The following TCF7L1 variants were observed in gnomAD, a reference collection of about 807,000 sequenced individuals.
TCF7L1 encodes the protein transcription factor 7-like 1.
In TCF7L1, 18 loss-of-function variants were observed where a neutral mutation model predicts 63.7. The observed-to-expected ratio is 0.28, with a 90% CI of 0.20 to 0.42. The LOEUF (loss-of-function observed/expected upper bound fraction) is 0.42, where lower values mean the gene tolerates loss of function less well. TCF7L1 is among the 10% of genes least tolerant of loss of function. The probability of loss-of-function intolerance (pLI) is 1.00; values close to 1 mark genes in which losing one functional copy is unlikely to be tolerated. For missense variants in TCF7L1, 654 were observed against 779.3 expected (o/e 0.84, Z 1.91); for synonymous variants, 355 against 340.9 (o/e 1.04, Z -0.46).
Position 85,309,372 on chromosome 2 carries a change from C to T in TCF7L1, c.1677C>T (p.Pro559=). Residue 559 remains proline (P), a synonymous_variant, in exon 12 of 12, where the codon CCC becomes CCT. Transcript: ENST00000282111. Reference sequence around the variant, plus strand: ...TGCCCACAGCTCTGCTGGCCTCTCCCCCGTCCTTCCCCGCCACGCTCCATG... The same window carrying T: ...TGCCCACAGCTCTGCTGGCCTCTCCTCCGTCCTTCCCCGCCACGCTCCATG... ...GSMPTALLAS[P]PSFPATLHAH... is the part of the protein sequence containing the mutation. 6.2e-7 allele frequency: 1 copy of T among 1,604,180 alleles called. No homozygotes were observed. The highest frequency in any genetic ancestry group is 8.5e-7 in the Non-Finnish European group (1 of 1,175,054).
chr2:85,170,782 G>A (rs2104235351), intron 3 of TCF7L1, among the ~76,000 whole-genome samples: 1 of 152,322 alleles, frequency 6.6e-6, no homozygotes, highest in South Asian at 2.1e-4. Flanking sequence ...CCAGCACATA[G>A]TAGGTGTGAT....
intron 3 of TCF7L1, among the ~76,000 whole-genome samples, chr2:85,172,483 G>A (rs911181308): frequency 1.3e-5 from 2 of 152,212 alleles, no homozygotes; most frequent in African/African-American, 2.4e-5. Context: ...CTGGAGTGCA[G>A]TGGCGCGATC....
At chr2:85,164,191 G>A (rs1322354824) in intron 3 of TCF7L1, among the ~76,000 whole-genome samples, 3 of 152,110 alleles carry the variant, frequency 2.0e-5, no homozygotes, top group Non-Finnish European at 2.9e-5. Context: ...GCCTGTCAGC[G>A]TTCAGCACGA....
At chr2:85,211,947 G>A (rs767039114) in intron 3 of TCF7L1, among the ~76,000 whole-genome samples, 4 of 151,870 alleles carry the variant, frequency 2.6e-5, no homozygotes, top group African/African-American at 2.4e-5. Flanking sequence ...AAAATCAGTC[G>A]GATGTGGTGG....
intron 3 of TCF7L1, among the ~76,000 whole-genome samples, chr2:85,165,713 T>C (rs2104227552): frequency 6.6e-6 from 1 of 152,236 alleles, no homozygotes; most frequent in African/African-American, 2.4e-5. Context: ...GATCATTAGG[T>C]TTATGGAACT....
chr2:85,161,598 T>A (rs1342640706), intron 3 of TCF7L1, among the ~76,000 whole-genome samples: 3 of 152,326 alleles, frequency 2.0e-5, no homozygotes, highest in East Asian at 3.9e-4. Context: ...GCGGTGTTGG[T>A]CTTTGGTCTG....
At chr2:85,252,720 C>T (rs1403793021) in intron 3 of TCF7L1, among the ~76,000 whole-genome samples, 1 of 152,296 alleles carries the variant, frequency 6.6e-6, no homozygotes, top group South Asian at 2.1e-4. Flanking sequence ...CCAAGCAGCC[C>T]CTACCACAAG....
chr2:85,135,515 C>T (rs552420226), intron 3 of TCF7L1, among the ~76,000 whole-genome samples: 5 of 152,106 alleles, frequency 3.3e-5, no homozygotes, highest in African/African-American at 7.2e-5. Context: ...GAGCAGGGTC[C>T]CAGCAACACA....
At position 85,134,217 on chromosome 2, in the gene TCF7L1, CGCGCGTGGGGG is replaced by C; in HGVS notation, c.314-101_314-91del. On this transcript the variant is annotated intron_variant, in intron 2 of 11. Coordinates refer to ENST00000282111, the MANE Select transcript of TCF7L1 (RefSeq NM_031283.3). The surrounding 1 kb of genome is among the most constrained non-coding windows in gnomAD (Gnocchi z 5.0). ...TTTATTGGCGGCAGCCCCCGTGGGG[CGCGCGTGGGGG>C]GCGCTGGGGTCCCCAGCTCCCGCCT... The C allele has an allele frequency of 6.8e-7, 1 of 1,479,010 alleles. No individual in the cohort carries two copies. Among genetic ancestry groups the C allele is most frequent in the Non-Finnish European group, 9.0e-7 (1 of 1,112,960 alleles). The allele number at this position is 1,479,010 out of a possible 1,614,324, so 91.6% of individuals were successfully genotyped here.
intron 4 of TCF7L1, among the ~76,000 whole-genome samples, chr2:85,298,191 C>CAAAAAA (rs759348807): frequency 1.6e-4 from 7 of 44,734 alleles, no homozygotes; most frequent in African/African-American, 6.8e-4. Context: ...GACTCCATCT[C>CAAAAAA]AAAAAAAAAA....
intron 3 of TCF7L1, among the ~76,000 whole-genome samples, chr2:85,170,935 G>A (rs1181753973): frequency 6.6e-6 from 1 of 152,178 alleles, no homozygotes. Context: ...TTCTGTAGCC[G>A]CTTGTCAAAG....
intron 3 of TCF7L1, among the ~76,000 whole-genome samples, chr2:85,203,935 A>C (rs1038662067): frequency 6.6e-6 from 1 of 152,182 alleles, no homozygotes; most frequent in Admixed American, 6.5e-5. Context: ...ACGCAAGGGA[A>C]ATCTCCTAAA....
intron 3 of TCF7L1, among the ~76,000 whole-genome samples, chr2:85,191,718 G>C (rs113505112): frequency 0.039 from 5,982 of 151,932 alleles, 405 homozygotes; most frequent in African/African-American, 0.14. Context: ...CCAGCTACTC[G>C]GAAGGCTGAG....
chr2:85,244,680 A>G (rs1184154851), intron 3 of TCF7L1, among the ~76,000 whole-genome samples: 2 of 152,134 alleles, frequency 1.3e-5, no homozygotes, highest in Non-Finnish European at 2.9e-5. Flanking sequence ...GGAGAGTGAT[A>G]GGTGGGGTAA....
At chr2:85,235,673 G>A (rs935699913) in intron 3 of TCF7L1, among the ~76,000 whole-genome samples, 28 of 152,054 alleles carry the variant, frequency 1.8e-4, no homozygotes, top group Admixed American at 3.3e-4. Context: ...GATCTTAAGG[G>A]CAAGGGCAAA....
At chr2:85,243,046 G>C (rs1291536465) in intron 3 of TCF7L1, among the ~76,000 whole-genome samples, 2 of 152,238 alleles carry the variant, frequency 1.3e-5, no homozygotes, top group East Asian at 3.9e-4. Context: ...GCTTCTAGTT[G>C]AACCTCATAT....
At position 85,185,990 on chromosome 2, in the gene TCF7L1, G is replaced by A. The variant is rs1295894526; in HGVS notation, c.441+51540G>A. ...TTTTTTTTTTTTTTTTTTTTGAGAC[G>A]GAGTCTCGCTCTGTCGCCTAGGCTG... On this transcript the variant is annotated intron_variant, in intron 3 of 11. Coordinates refer to ENST00000282111, the MANE Select transcript of TCF7L1 (RefSeq NM_031283.3). Among the ~76,000 whole-genome samples, 4 of 130,944 alleles carry A rather than the reference G, an allele frequency of 3.1e-5. No homozygotes were observed. The South Asian group carries it at 7.2e-4, about 23-fold the overall frequency. The allele number at this position is 130,944 out of a possible 152,430, so 85.9% of individuals were successfully genotyped here.
intron 3 of TCF7L1, among the ~76,000 whole-genome samples, chr2:85,273,154 C>T (rs1358452990): frequency 1.3e-5 from 2 of 152,142 alleles, no homozygotes; most frequent in Non-Finnish European, 2.9e-5. Context: ...GCTCTCCTCC[C>T]ACCTCCTCCT....
chr2:85,227,821 CCT>C (rs1400578705), intron 3 of TCF7L1, among the ~76,000 whole-genome samples: 1 of 151,566 alleles, frequency 6.6e-6, no homozygotes, highest in Non-Finnish European at 1.5e-5. Flanking sequence ...AGAGTGAGAC[CCT>C]GTCTCTACAA....
Sources: allele counts gnomAD v4.1 joint callset (sites outside exome capture counted in the v4.1 genomes callset), GRCh38; gene constraint gnomAD v4.1.1; non-coding constraint Gnocchi (gnomAD v3.1); transcripts MANE v1.5; gene names NCBI Gene and HGNC (gene_info 2026-07-23, HGNC 2026-07-21).